NTRK2: variants seen among roughly 807,000 people sequenced by gnomAD.
The protein encoded by NTRK2 is BDNF/NT-3 growth factors receptor.
A neutral mutation model predicts 94.5 loss-of-function variants in NTRK2; 13 were observed. That is an observed-to-expected ratio of 0.14 (90% CI 0.09 to 0.22). NTRK2 has a LOEUF of 0.22. Among genes scored for constraint, NTRK2 ranks in the 10% least tolerant of loss-of-function variants. The pLI is 1.00. For synonymous variants in NTRK2, 372 were observed against 407.4 expected, an observed-to-expected ratio of 0.91 and a Z score of 1.05; for missense variants, 639 against 1,071.2, an observed-to-expected ratio of 0.60 and a Z score of 5.63.
intron 17 of NTRK2, among the ~76,000 whole-genome samples, chr9:85,010,717 G>A (rs1831469995): frequency 6.6e-6 from 1 of 152,178 alleles, no homozygotes; most frequent in South Asian, 2.1e-4. Flanking sequence ...TTCTTACAAT[G>A]AAGAATCATT....
At chr9:84,991,929 G>A (rs1252889501) in intron 17 of NTRK2, among the ~76,000 whole-genome samples, 2 of 151,974 alleles carry the variant, frequency 1.3e-5, no homozygotes, top group Non-Finnish European at 2.9e-5. Flanking sequence ...GTCCAGGGAG[G>A]AGCCAAGTCC....
chr9:84,935,714 T>C (rs1215776630), intron 15 of NTRK2, among the ~76,000 whole-genome samples: 1 of 152,130 alleles, frequency 6.6e-6, no homozygotes. Context: ...TTGTAGTCAT[T>C]ATGGAGATGT....
At chr9:84,737,701 A>G (rs911218345) in intron 9 of NTRK2, among the ~76,000 whole-genome samples, 3 of 147,842 alleles carry the variant, frequency 2.0e-5, no homozygotes, top group Non-Finnish European at 4.4e-5. Context: ...ACGTGGGTCT[A>G]TTATGTGATG....
chr9:84,880,544 T>C (rs2076224150), intron 14 of NTRK2, among the ~76,000 whole-genome samples: 1 of 152,212 alleles, frequency 6.6e-6, no homozygotes, highest in African/African-American at 2.4e-5. Flanking sequence ...AAAATTTCTA[T>C]AGATCTTTAT....
intron 11 of NTRK2, 100 bp from the exon 12 acceptor site, chr9:84,751,886 T>C (rs1039143125): frequency 3.0e-5 from 27 of 912,326 alleles, no homozygotes; most frequent in Non-Finnish European, 4.9e-5. Flanking sequence ...TCAATAAATA[T>C]GAACTGCCTG....
At chr9:84,825,406 A>G (rs150168067) in intron 12 of NTRK2, among the ~76,000 whole-genome samples, 50 of 152,130 alleles carry the variant, frequency 3.3e-4, no homozygotes, top group African/African-American at 1.2e-3. Context: ...CACTCCAGCC[A>G]TGCTTCCCCA....
At chr9:85,020,137 C>G in intron 17 of NTRK2, 69 bp from the exon 18 acceptor site, 2 of 1,544,826 alleles carry the variant, frequency 1.3e-6, no homozygotes, top group Non-Finnish European at 1.8e-6. Flanking sequence ...AACAGTGTCC[C>G]CCAGCAGCTC....
intron 2 of NTRK2, among the ~76,000 whole-genome samples, chr9:84,685,835 C>T (rs1192938704): frequency 6.6e-6 from 1 of 152,204 alleles, no homozygotes; most frequent in Admixed American, 6.5e-5. Context: ...TGTTTCACAT[C>T]GCAGCGTAGG....
rs2132720703 is a variant in NTRK2 at position 84,934,269 on chromosome 9, G to A, written c.1741G>A (p.Asp581Asn). ...AECYNLCPEQ[D>N]KILVAVKTLK... ...ATGCTATAACCTCTGTCCTGAGCAG[G>A]ACAAGATCTTGGTGGCAGTGAAGGT... Residue 581 changes from aspartate to asparagine, a missense_variant, in exon 15 of 19, where the codon GAC (aspartate) becomes AAC (asparagine). Physicochemically the swap from Asp to Asn is conservative, Grantham distance 23. Transcript: ENST00000277120. 6.2e-7 allele frequency: 1 copy of A among 1,614,046 alleles called. No homozygotes were observed. The highest frequency in any genetic ancestry group is 8.5e-7 in the Non-Finnish European group (1 of 1,179,928).
At chr9:84,926,192 TTC>T (rs2077802516) in intron 14 of NTRK2, among the ~76,000 whole-genome samples, 3 of 138,566 alleles carry the variant, frequency 2.2e-5, no homozygotes, top group Admixed American at 7.6e-5. Context: ...CTTTCTTTCT[TTC>T]TTTCTTTCTT....
intron 17 of NTRK2, among the ~76,000 whole-genome samples, chr9:84,969,285 G>A (rs1026659944): frequency 6.6e-6 from 1 of 152,176 alleles, no homozygotes; most frequent in African/African-American, 2.4e-5. Flanking sequence ...ACGATCACTC[G>A]CTTACCTTTT....
chr9:84,752,157 T>C, intron 12 of NTRK2, 72 bp downstream of exon 12: 1 of 1,163,452 alleles, frequency 8.6e-7, no homozygotes. Flanking sequence ...TAATTACCAC[T>C]AAAGAAGGAA....
chr9:84,740,434 T>A (rs2063558917), intron 9 of NTRK2, among the ~76,000 whole-genome samples: 1 of 152,260 alleles, frequency 6.6e-6, no homozygotes, highest in Non-Finnish European at 1.5e-5. Flanking sequence ...TGATTGAAAT[T>A]TACTGGAATC....
At chr9:84,769,085 G>T (rs1388129007) in intron 12 of NTRK2, among the ~76,000 whole-genome samples, 1 of 152,126 alleles carries the variant, frequency 6.6e-6, no homozygotes, top group Non-Finnish European at 1.5e-5. Context: ...CCCAAGCAGA[G>T]GTTGGTCAAG....
chr9:84,963,176 G>A (rs1322134499), intron 17 of NTRK2, among the ~76,000 whole-genome samples: 1 of 152,164 alleles, frequency 6.6e-6, no homozygotes, highest in East Asian at 1.9e-4. Flanking sequence ...TTCCATCAGG[G>A]CATAAATCTT....
intron 4 of NTRK2, among the ~76,000 whole-genome samples, chr9:84,704,684 C>G (rs1354834225): frequency 6.6e-6 from 1 of 152,078 alleles, no homozygotes; most frequent in Non-Finnish European, 1.5e-5. Flanking sequence ...GATCAAATTG[C>G]AAAAATGCTA....
rs530749700 is a variant in NTRK2, at chr9:84,810,769, G to A, written c.1397-50271G>A. ...CCTGCATATACTGTGAGCTGTGATT[G>A]GGGAACACCAATGCAGAGGTAACTC... On this transcript the variant is annotated intron_variant, in intron 12 of 18. Transcript: ENST00000277120. 17 of 1,443,470 alleles carry A rather than the reference G, an allele frequency of 1.2e-5. No homozygotes were observed. In the Admixed American group the frequency reaches 4.8e-4, roughly 41 times the overall value. The allele number at this position is 1,443,470 out of a possible 1,614,324, so 89.4% of individuals were successfully genotyped here.
intron 2 of NTRK2, among the ~76,000 whole-genome samples, chr9:84,685,031 C>T (rs1308917283): frequency 6.6e-6 from 1 of 151,270 alleles, no homozygotes; most frequent in African/African-American, 2.4e-5. Flanking sequence ...AGATTATTCC[C>T]TTTTCTAAGA....
At chr9:84,719,038 T>C (rs1175965448) in intron 6 of NTRK2, among the ~76,000 whole-genome samples, 1 of 152,178 alleles carries the variant, frequency 6.6e-6, no homozygotes, top group South Asian at 2.1e-4. Flanking sequence ...GACTCACTCT[T>C]CTACAGAATA....
Sources: allele counts gnomAD v4.1 joint callset (sites outside exome capture counted in the v4.1 genomes callset), GRCh38; gene constraint gnomAD v4.1.1; transcripts MANE v1.5; gene names NCBI Gene and HGNC (gene_info 2026-07-23, HGNC 2026-07-21).